MACROD2: variants seen among roughly 807,000 people sequenced by gnomAD.
MACROD2 encodes mono-ADP ribosylhydrolase 2, also known as ADP-ribose glycohydrolase MACROD2.
Under a neutral mutation model 70.4 loss-of-function variants are expected in MACROD2, and 36 were observed. The observed-to-expected ratio is 0.51, with a 90% CI of 0.39 to 0.68. MACROD2 has a LOEUF of 0.68. MACROD2 is among the 30% of genes least tolerant of loss of function. The pLI is 0.00. For missense variants in MACROD2, 496 were observed against 538.4 expected (o/e 0.92, Z 0.78); for synonymous variants, 172 against 178.8 (o/e 0.96, Z 0.30).
intron 12 of MACROD2, among the ~76,000 whole-genome samples, chr20:15,958,650 T>C (rs186346196): frequency 6.6e-6 from 1 of 152,250 alleles, no homozygotes; most frequent in Admixed American, 6.5e-5. Flanking sequence ...CACAAATGCA[T>C]ATGTCAGTGC....
chr20:15,611,170 C>T (rs1246037885), intron 8 of MACROD2, among the ~76,000 whole-genome samples: 2 of 151,976 alleles, frequency 1.3e-5, no homozygotes, highest in African/African-American at 4.8e-5. Flanking sequence ...ATGTACCAGA[C>T]ACTGCACATG....
At chr20:14,612,922 C>T (rs1264841151) in intron 4 of MACROD2, among the ~76,000 whole-genome samples, 2 of 152,054 alleles carry the variant, frequency 1.3e-5, no homozygotes, top group African/African-American at 4.8e-5. Flanking sequence ...TCCCATTGTA[C>T]TTTCAGGCTT....
At chr20:15,729,787 C>CATGTGAG (rs2050917484) in intron 8 of MACROD2, among the ~76,000 whole-genome samples, 2 of 140,958 alleles carry the variant, frequency 1.4e-5, no homozygotes, top group African/African-American at 5.3e-5. Context: ...GGTGTCATTG[C>CATGTGAG]ATGTGAGATG....
At chr20:14,059,190 CTCTG>C (rs1601171016) in intron 2 of MACROD2, among the ~76,000 whole-genome samples, 2 of 152,100 alleles carry the variant, frequency 1.3e-5, no homozygotes, top group Non-Finnish European at 2.9e-5. Context: ...TTCCTCTCAC[CTCTG>C]TCTTTTTAAT....
intron 8 of MACROD2, among the ~76,000 whole-genome samples, chr20:15,690,359 T>C (rs2050284157): frequency 1.3e-5 from 2 of 152,094 alleles, no homozygotes; most frequent in South Asian, 2.1e-4. Flanking sequence ...TTTAGGAAAA[T>C]GATGCACTGT....
chr20:15,152,647 C>G lies in MACROD2; in HGVS notation c.419-77293C>G, dbSNP rs6135351. Among the ~76,000 whole-genome samples, 106 of 150,672 alleles carry G rather than the reference C, an allele frequency of 7.0e-4. 1 individual carries two copies. Among genetic ancestry groups the G allele is most frequent in the African/African-American group, 2.5e-3 (103 of 40,822 alleles). On this transcript the variant is annotated intron_variant, in intron 5 of 17. Transcript: ENST00000684519. ...GAAAAGCGGAGAAGGGGTAGAGACA[C>G]AGAGAAGGGGTTGGGGTTCTTGCCC...
intron 8 of MACROD2, among the ~76,000 whole-genome samples, chr20:15,633,518 G>A (rs1190463747): frequency 1.3e-5 from 2 of 152,068 alleles, no homozygotes; most frequent in Non-Finnish European, 2.9e-5. Flanking sequence ...GAGAGGTAGG[G>A]CTGTTTTAAT....
chr20:15,343,848 C>A (rs1649291724), intron 6 of MACROD2, among the ~76,000 whole-genome samples: 1 of 152,182 alleles, frequency 6.6e-6, no homozygotes, highest in South Asian at 2.1e-4. Context: ...CATGTTACTA[C>A]ACTCCAAGAT....
intron 15 of MACROD2, among the ~76,000 whole-genome samples, chr20:16,034,227 C>T (rs1030052380): frequency 6.6e-6 from 1 of 151,940 alleles, no homozygotes; most frequent in African/African-American, 2.4e-5. Flanking sequence ...TTAGATAATG[C>T]TGTTGACTTC....
intron 5 of MACROD2, among the ~76,000 whole-genome samples, chr20:15,054,870 G>A (rs1020865101): frequency 5.3e-5 from 8 of 151,012 alleles, no homozygotes; most frequent in African/African-American, 1.7e-4. Flanking sequence ...TGCAACCTCC[G>A]TCTCCAGGTT....
intron 4 of MACROD2, among the ~76,000 whole-genome samples, chr20:14,635,903 T>C (rs756460199): frequency 6.6e-6 from 1 of 151,980 alleles, no homozygotes; most frequent in Non-Finnish European, 1.5e-5. Flanking sequence ...AAATGCTGAG[T>C]TTTCCCAATG....
At chr20:15,199,993 T>G (rs2076641381) in intron 5 of MACROD2, among the ~76,000 whole-genome samples, 1 of 152,224 alleles carries the variant, frequency 6.6e-6, no homozygotes, top group Non-Finnish European at 1.5e-5. Flanking sequence ...CAACTCAGAT[T>G]GTAGTTATTT....
intron 3 of MACROD2, among the ~76,000 whole-genome samples, chr20:14,470,892 CT>C (rs1892758635): frequency 6.6e-6 from 1 of 152,200 alleles, no homozygotes; most frequent in African/African-American, 2.4e-5. Flanking sequence ...AACTAGACCA[CT>C]TGGTTCCCTG....
At chr20:14,966,627 C>A (rs963897580) in intron 5 of MACROD2, among the ~76,000 whole-genome samples, 1 of 152,184 alleles carries the variant, frequency 6.6e-6, no homozygotes, top group Non-Finnish European at 1.5e-5. Context: ...CCGTACAAAG[C>A]AGCCATTCTT....
chr20:14,958,386 C>A (rs1026003244), intron 5 of MACROD2, among the ~76,000 whole-genome samples: 1 of 152,114 alleles, frequency 6.6e-6, no homozygotes, highest in East Asian at 1.9e-4. Context: ...GTTTCCTTTC[C>A]GTTCAGATTT....
intron 3 of MACROD2, among the ~76,000 whole-genome samples, chr20:14,245,757 C>T (rs1197087212): frequency 1.3e-5 from 2 of 152,108 alleles, no homozygotes; most frequent in African/African-American, 4.8e-5. Flanking sequence ...GGATCATTGT[C>T]CTGTTCCCAT....
At chr20:15,937,988 T>A (rs2065691770) in intron 12 of MACROD2, among the ~76,000 whole-genome samples, 1 of 151,788 alleles carries the variant, frequency 6.6e-6, no homozygotes, top group Admixed American at 6.6e-5. Context: ...TCCTTAGAAA[T>A]GAATCTTTGG....
In MACROD2 at chr20:15,461,006, A is replaced by ATATATATATTTT; in HGVS notation, c.571+29572_571+29573insATATATATTTTT. ...TATATATATATATATATATATATATATTTTTTTTTAATAGATGGGGTCTTG... is the reference window on the plus strand; with the variant it reads ...TATATATATATATATATATATATATATATATATATTTTTTTTTTTTTAATAGATGGGGTCTTG... On this transcript the variant is annotated intron_variant, in intron 7 of 17. Coordinates refer to ENST00000684519, the MANE Select transcript of MACROD2 (RefSeq NM_001351661.2). Among the ~76,000 whole-genome samples, 59 of 67,002 alleles carry ATATATATATTTT rather than the reference A, an allele frequency of 8.8e-4. 1 individual carries two copies. Among genetic ancestry groups the ATATATATATTTT allele is most frequent in the Non-Finnish European group, 1.3e-3 (39 of 30,452 alleles). 44.0% of individuals were successfully genotyped at this position (67,002 alleles called of 152,430 possible).
rs1009467616 is a variant in MACROD2, at chr20:15,471,177, G to A, written c.572-28597G>A. Among the ~76,000 whole-genome samples the A allele has an allele frequency of 2.0e-5, 3 of 152,114 alleles. No individual in the cohort carries two copies. In the South Asian group the frequency reaches 6.2e-4, roughly 32 times the overall value. On this transcript the variant is annotated intron_variant, in intron 7 of 17. Coordinates refer to ENST00000684519, the MANE Select transcript of MACROD2 (RefSeq NM_001351661.2). ...TCTCTTCCAAAACTATCAACATAGG[G>A]ATGACAGGCCAGCTGTATTTTCCCA...
Sources: allele counts gnomAD v4.1 joint callset (sites outside exome capture counted in the v4.1 genomes callset), GRCh38; gene constraint gnomAD v4.1.1; transcripts MANE v1.5; gene names NCBI Gene and HGNC (gene_info 2026-07-23, HGNC 2026-07-21).